DHRS2: variants seen among roughly 807,000 people sequenced by gnomAD.
The protein encoded by DHRS2 is dehydrogenase/reductase SDR family member 2, mitochondrial.
A neutral mutation model predicts 26.3 loss-of-function variants in DHRS2; 29 were observed. The observed-to-expected ratio is 1.10, with a 90% confidence interval of 0.82 to 1.50. The LOEUF is 1.50. Among genes scored for constraint, DHRS2 ranks in the 40% most tolerant of loss-of-function variants. The probability of loss-of-function intolerance (pLI) is 0.00; values close to 1 mark genes in which losing one functional copy is unlikely to be tolerated. For missense variants in DHRS2, 439 were observed against 367.1 expected (o/e 1.20, Z -1.60); for synonymous variants, 164 against 151.3 (o/e 1.08, Z -0.62).
In DHRS2 at chr14:23,644,260, C is replaced by T. The variant is rs1483545246; in HGVS notation, c.540+98C>T. The T allele has an allele frequency of 5.8e-6, 9 of 1,560,424 alleles. No individual in the cohort carries two copies. The East Asian group carries it at 1.6e-4, about 27-fold the overall frequency. On this transcript the variant is annotated intron_variant, in intron 6 of 8. Transcript: ENST00000250383. ...ACAGACAAAGTGCCTGGGACAGACC[C>T]CCACCATCCTCCTGCTGCCCTGGGC...
intron 1 of DHRS2, among the ~76,000 whole-genome samples, chr14:23,630,422 T>C: frequency 6.6e-6 from 1 of 152,224 alleles, no homozygotes. Context: ...ATTTCTTCTT[T>C]GATTATCAAT....
intron 3 of DHRS2, 104 bp downstream of exon 3, chr14:23,639,460 T>C (rs1326288426): frequency 7.1e-7 from 1 of 1,407,238 alleles, no homozygotes; most frequent in Non-Finnish European, 9.3e-7. Context: ...CCTGAGACCA[T>C]GACTGCACCC....
upstream of DHRS2, among the ~76,000 whole-genome samples, chr14:23,635,976 G>A (rs914275273): frequency 7.9e-5 from 12 of 152,318 alleles, no homozygotes; most frequent in South Asian, 1.4e-3. Context: ...AGGTGAAGCC[G>A]GCTGGGCTTC....
intron 4 of DHRS2, 147 bp from the exon 5 acceptor site, chr14:23,643,005 G>GCAC: frequency 1.3e-6 from 1 of 752,630 alleles, no homozygotes. Flanking sequence ...AATACCTCTT[G>GCAC]CACCAGTCAG....
intron 7 of DHRS2, 104 bp downstream of exon 7, chr14:23,644,647 A>G (rs947071377): frequency 2.6e-6 from 4 of 1,553,956 alleles, no homozygotes; most frequent in Admixed American, 3.4e-5. Flanking sequence ...CAGCATGCCT[A>G]TGACTGAGGT....
In DHRS2 at chr14:23,645,255, A is replaced by T. The variant is rs776497255; in HGVS notation, c.*2A>T. 8 of 1,613,860 alleles carry T rather than the reference A, an allele frequency of 5.0e-6. No homozygotes were observed. The highest frequency in any genetic ancestry group is 1.6e-4 in the Middle Eastern group (1 of 6,080). ...GCAGGCTACTCCACTCGGCTCTGAGAGGAGTGGGGGCGGCTGCGTAGCTGT... is the reference window on the plus strand; with the variant it reads ...GCAGGCTACTCCACTCGGCTCTGAGTGGAGTGGGGGCGGCTGCGTAGCTGT... On this transcript the variant is annotated 3_prime_UTR_variant, in exon 9 of 9. Coordinates refer to ENST00000250383, the MANE Select transcript of DHRS2 (RefSeq NM_005794.4).
At position 23,644,457 on chromosome 14, in the gene DHRS2, A is replaced by T; in HGVS notation, c.589A>T (p.Arg197Ter). The change falls in exon 7 of 9, where the codon AGA becomes TGA. Residue 197 changes from arginine (R) to a stop codon, truncating the protein, a stop_gained. Transcript: ENST00000250383. LOFTEE classifies it high-confidence loss of function. Reference protein sequence around the residue: ...VSKTALLGLTRTLALELAPKD... With the variant: ...VSKTALLGLT The stretch of plus-strand genomic sequence containing the variant: ...CAAGACAGCGCTGCTGGGTCTCACT[A>T]GAACACTGGCATTGGAGCTGGCCCC... 1 of 1,614,166 alleles carries T rather than the reference A, an allele frequency of 6.2e-7. No individual in the cohort carries two copies. Among genetic ancestry groups the T allele is most frequent in the Non-Finnish European group, 8.5e-7 (1 of 1,180,032 alleles).
At position 23,639,170 on chromosome 14, in the gene DHRS2, T is replaced by C; in HGVS notation, c.141-9T>C. ...GAGGCTGACTTTTGCCCTCCATCTC[T>C]GCATTCAGGATCGGCTTTGCCATCG... is the stretch of plus-strand genomic sequence containing the variant. On this transcript the variant is annotated splice_polypyrimidine_tract_variant and intron_variant, in intron 2 of 8. Transcript: ENST00000250383. 1 of 1,612,196 alleles carries C rather than the reference T, an allele frequency of 6.2e-7. No individual in the cohort carries two copies. Among genetic ancestry groups the C allele is most frequent in the Non-Finnish European group, 8.5e-7 (1 of 1,179,336 alleles).
intron 3 of DHRS2, 122 bp from the exon 4 acceptor site, chr14:23,639,672 C>G (rs1384690762): frequency 2.6e-6 from 3 of 1,133,516 alleles, no homozygotes; most frequent in Non-Finnish European, 3.6e-6. Flanking sequence ...CCTTGGGACA[C>G]CTAGGTCATT....
At chr14:23,637,144 C>T (rs995458832) in intron 1 of DHRS2, among the ~76,000 whole-genome samples, 4 of 152,200 alleles carry the variant, frequency 2.6e-5, no homozygotes, top group Non-Finnish European at 5.9e-5. Context: ...TCTATCCTGA[C>T]CCTTGCTCGC....
chr14:23,643,823 AG>A, intron 5 of DHRS2: 1 of 467,402 alleles, frequency 2.1e-6, no homozygotes, highest in Non-Finnish European at 3.9e-6. Flanking sequence ...CTCTTCACAA[AG>A]CCCACCCTGC....
chr14:23,639,903 G>C lies in DHRS2; in HGVS notation c.420+8G>C, dbSNP rs1436385273. The C allele has an allele frequency of 6.3e-7, 1 of 1,586,482 alleles. No individual in the cohort carries two copies. Among genetic ancestry groups the C allele is most frequent in the Non-Finnish European group, 8.6e-7 (1 of 1,166,528 alleles). On this transcript the variant is annotated splice_region_variant and intron_variant, in intron 4 of 8. Coordinates refer to ENST00000250383, the MANE Select transcript of DHRS2 (RefSeq NM_005794.4). ...GAGCAGATCTGGGACAAGGTGAGAG[G>C]CCTCCCCTGGGGAGGCGGCTGAGGG...
Position 23,644,871 on chromosome 14 carries a change from T to C in DHRS2, c.720T>C (p.His240=). Residue 240 remains histidine (H), a synonymous_variant, in exon 8 of 9, where the codon CAT becomes CAC. Coordinates refer to ENST00000250383, the MANE Select transcript of DHRS2 (RefSeq NM_005794.4). Reference sequence around the variant, plus strand: ...TCTGGAAGAACTTCAAGGAACATCATCAGCTGCAGAGGCAAGTGGGGTTTG... The same window carrying C: ...TCTGGAAGAACTTCAAGGAACATCACCAGCTGCAGAGGCAAGTGGGGTTTG... The part of the protein sequence containing the change: ...ESLWKNFKEH[H]QLQRIGESED... 1.2e-6 allele frequency: 2 copies of C among 1,614,208 alleles called. No homozygotes were observed. The highest frequency in any genetic ancestry group is 1.7e-6 in the Non-Finnish European group (2 of 1,180,030).
intron 4 of DHRS2, 36 bp downstream of exon 4, chr14:23,639,931 C>T (rs752534598): frequency 5.8e-5 from 87 of 1,511,722 alleles, no homozygotes; most frequent in Middle Eastern, 2.0e-4. Flanking sequence ...GCTGAGGGCC[C>T]GATTCCAGCT....
chr14:23,644,258 C>T lies in DHRS2; in HGVS notation c.540+96C>T, dbSNP rs1890782938. The stretch of plus-strand genomic sequence containing the variant: ...TTACAGACAAAGTGCCTGGGACAGA[C>T]CCCCACCATCCTCCTGCTGCCCTGG... On this transcript the variant is annotated intron_variant, in intron 6 of 8. Coordinates refer to ENST00000250383, the MANE Select transcript of DHRS2 (RefSeq NM_005794.4). 2.6e-6 allele frequency: 4 copies of T among 1,555,156 alleles called. No homozygotes were observed. In the East Asian group the frequency reaches 6.7e-5, roughly 26 times the overall value.
At chr14:23,640,229 C>T in intron 4 of DHRS2, 1 of 1,005,270 alleles carries the variant, frequency 9.9e-7, no homozygotes, top group East Asian at 9.7e-5. Context: ...TAGTCAGAGT[C>T]TCTCTGTAAG....
rs966372869 is a variant in DHRS2 at position 23,636,747 on chromosome 14, G to C, written c.-64G>C. 6.6e-6 allele frequency: 1 copy of C among 152,232 alleles called. No homozygotes were observed. The highest frequency in any genetic ancestry group is 2.4e-5 in the African/African-American group (1 of 41,454). The allele number at this position is 152,232 out of a possible 1,614,324, so 9.4% of individuals were successfully genotyped here. On this transcript the variant is annotated 5_prime_UTR_variant, in exon 1 of 9. Transcript: ENST00000250383. ...CAAGTGGTGAGACCATCACCAAGCG[G>C]TGAGACTATCACCTATCGCCAAGTG...
chr14:23,633,528 C>T (rs1301938738), upstream of DHRS2, among the ~76,000 whole-genome samples: 1 of 152,136 alleles, frequency 6.6e-6, no homozygotes, highest in African/African-American at 2.4e-5. Context: ...TCAAAATCCT[C>T]CTCAGTCTTG....
At chr14:23,641,683 C>T (rs1211919888) in intron 4 of DHRS2, 2 of 1,289,694 alleles carry the variant, frequency 1.6e-6, no homozygotes, top group African/African-American at 1.5e-5. Flanking sequence ...AGGGTGGTAC[C>T]CACTTCTGAC....
Sources: allele counts gnomAD v4.1 joint callset (sites outside exome capture counted in the v4.1 genomes callset), GRCh38; gene constraint gnomAD v4.1.1; transcripts MANE v1.5; gene names NCBI Gene and HGNC (gene_info 2026-07-23, HGNC 2026-07-21).